PIK3C2G: variants seen among roughly 807,000 people sequenced by gnomAD.
The protein encoded by PIK3C2G is phosphatidylinositol-4-phosphate 3-kinase catalytic subunit type 2 gamma.
Under a neutral mutation model 181.1 loss-of-function variants are expected in PIK3C2G, and 168 were observed. That is an observed-to-expected ratio of 0.93 (90% CI 0.82 to 1.05). The LOEUF is 1.05. PIK3C2G is among the 50% of genes least tolerant of loss of function. The pLI, the probability that PIK3C2G is intolerant of heterozygous loss-of-function variation, is 0.00. For missense variants in PIK3C2G, 1,869 were observed against 1,732.8 expected, an observed-to-expected ratio of 1.08 and a Z score of -1.40; for synonymous variants, 573 against 592.2, an observed-to-expected ratio of 0.97 and a Z score of 0.47.
At chr12:18,572,360 G>GA (rs1945994216) in intron 29 of PIK3C2G, among the ~76,000 whole-genome samples, 1 of 146,774 alleles carries the variant, frequency 6.8e-6, no homozygotes, top group Admixed American at 6.8e-5. Flanking sequence ...TATATAAAGC[G>GA]ATATATATAA....
At chr12:18,556,504 T>G (rs1335489143) in intron 26 of PIK3C2G, among the ~76,000 whole-genome samples, 1 of 152,144 alleles carries the variant, frequency 6.6e-6, no homozygotes, top group African/African-American at 2.4e-5. Context: ...GAGATTTTTG[T>G]GAGGGTGAGT....
chr12:18,628,155 C>T (rs1393204721), intron 31 of PIK3C2G, among the ~76,000 whole-genome samples: 15 of 152,140 alleles, frequency 9.9e-5, no homozygotes, highest in Admixed American at 9.2e-4. Context: ...TAAACTGAAG[C>T]TGATAATCCT....
chr12:18,317,965 C>T (rs530874570), intron 6 of PIK3C2G, among the ~76,000 whole-genome samples: 245 of 152,244 alleles, frequency 1.6e-3, no homozygotes, highest in Admixed American at 3.0e-3. Flanking sequence ...TAGCTATTGA[C>T]GTCATAAAAT....
chr12:18,488,463 C>A lies in PIK3C2G; in HGVS notation c.2519C>A (p.Ala840Glu), dbSNP rs758922255. The A allele has an allele frequency of 6.6e-7, 1 of 1,509,444 alleles. No homozygotes were observed. The allele number at this position is 1,509,444 out of a possible 1,614,324, so 93.5% of individuals were successfully genotyped here. ...CTTTCCTTCAGGCTGCTAAAAAATGCAGAAAATGAAGCTTATTTTAAAAGC... is the reference window on the plus strand; with the variant it reads ...CTTTCCTTCAGGCTGCTAAAAAATGAAGAAAATGAAGCTTATTTTAAAAGC... ...AHRLYWLLKN[A>E]ENEAYFKSWY... The change falls in exon 19 of 33, where the codon GCA becomes GAA. Residue 840 changes from alanine (A) to glutamate (E), a missense_variant. By Grantham distance (107) the Ala-to-Glu change is moderately radical. Coordinates refer to ENST00000538779, the MANE Select transcript of PIK3C2G (RefSeq NM_001288772.2).
At chr12:18,320,330 T>TGTGTGC (rs1203147962) in intron 6 of PIK3C2G, among the ~76,000 whole-genome samples, 1 of 151,980 alleles carries the variant, frequency 6.6e-6, no homozygotes, top group East Asian at 1.9e-4. Flanking sequence ...TATGCGTGTG[T>TGTGTGC]GTGTGCGTGT....
chr12:18,375,036 A>T (rs143144005), intron 13 of PIK3C2G, among the ~76,000 whole-genome samples: 10 of 152,338 alleles, frequency 6.6e-5, no homozygotes, highest in Admixed American at 3.9e-4. Flanking sequence ...GCAATGCAAG[A>T]ATGGCCTAAC....
chr12:18,636,723 T>C (rs1332999336), intron 31 of PIK3C2G, among the ~76,000 whole-genome samples: 1 of 152,158 alleles, frequency 6.6e-6, no homozygotes, highest in Non-Finnish European at 1.5e-5. Flanking sequence ...TATGGCCAAA[T>C]AGGCAAATTG....
chr12:18,563,727 G>A (rs567897411), intron 28 of PIK3C2G, among the ~76,000 whole-genome samples: 50 of 152,234 alleles, frequency 3.3e-4, no homozygotes, highest in African/African-American at 1.1e-3. Context: ...CATTGATTTT[G>A]TAGACAGACA....
intron 18 of PIK3C2G, among the ~76,000 whole-genome samples, chr12:18,449,371 G>T (rs1159897313): frequency 2.0e-5 from 3 of 152,042 alleles, no homozygotes; most frequent in African/African-American, 7.2e-5. Context: ...TGCCATGGTA[G>T]TTTGCTGCAC....
At chr12:18,653,223 A>G (rs2136903739), downstream of PIK3C2G, among the ~76,000 whole-genome samples, 1 of 152,302 alleles carries the variant, frequency 6.6e-6, no homozygotes, top group African/African-American at 2.4e-5. Flanking sequence ...GTTGATTCCC[A>G]GAGGAAATGG....
chr12:18,408,606 TA>T (rs1443623436), intron 16 of PIK3C2G, among the ~76,000 whole-genome samples: 2 of 152,082 alleles, frequency 1.3e-5, no homozygotes, highest in Non-Finnish European at 2.9e-5. Flanking sequence ...AAGAAACTAT[TA>T]TCAGAGTGAA....
At chr12:18,362,612 G>A (rs575213938) in intron 11 of PIK3C2G, among the ~76,000 whole-genome samples, 152 bp from the exon 12 acceptor site, 1 of 152,274 alleles carries the variant, frequency 6.6e-6, no homozygotes, top group South Asian at 2.1e-4. Flanking sequence ...GACATACTCA[G>A]CCTAAATTCT....
chr12:18,619,414 G>T (rs551772902), intron 31 of PIK3C2G, among the ~76,000 whole-genome samples: 1 of 152,136 alleles, frequency 6.6e-6, no homozygotes, highest in Middle Eastern at 3.4e-3. Context: ...AACAAAAAAA[G>T]CTAAAGATTT....
At chr12:18,570,375 A>G (rs1207952569) in intron 29 of PIK3C2G, among the ~76,000 whole-genome samples, 3 of 149,742 alleles carry the variant, frequency 2.0e-5, no homozygotes, top group African/African-American at 7.5e-5. Flanking sequence ...CACCCAGCCT[A>G]TTTTTGTATT....
chr12:18,417,599 G>C (rs1259798891), intron 16 of PIK3C2G, among the ~76,000 whole-genome samples: 2 of 152,100 alleles, frequency 1.3e-5, no homozygotes, highest in African/African-American at 4.8e-5. Context: ...AAAAAGATTA[G>C]AACTTGCTGA....
intron 1 of PIK3C2G, among the ~76,000 whole-genome samples, chr12:18,272,981 A>T (rs1565539878): frequency 7.5e-6 from 1 of 133,010 alleles, no homozygotes; most frequent in Non-Finnish European, 1.7e-5. Context: ...GTTATAAGAA[A>T]TGACACTCAC....
At chr12:18,691,226 C>T in the PIK3C2G span, among the ~76,000 whole-genome samples, 8 of 151,972 alleles carry the variant, frequency 5.3e-5, no homozygotes, top group South Asian at 2.1e-4. Context: ...TTTTCTAGTC[C>T]GAGCAGAGTG....
At chr12:18,283,926 G>C (rs1302582166) in intron 2 of PIK3C2G, among the ~76,000 whole-genome samples, 4 of 152,242 alleles carry the variant, frequency 2.6e-5, no homozygotes, top group African/African-American at 9.6e-5. Context: ...CTGTGCCTGA[G>C]GGTAATTTCA....
At chr12:18,248,875 TC>T (rs1473452339) in intron 1 of PIK3C2G, among the ~76,000 whole-genome samples, 1 of 152,200 alleles carries the variant, frequency 6.6e-6, no homozygotes, top group African/African-American at 2.4e-5. Context: ...CTGTACTACT[TC>T]CAGGCATGAT....
Sources: gnomAD v4.1 joint callset for allele counts (sites outside exome capture counted in the v4.1 genomes callset) on GRCh38, gnomAD v4.1.1 for gene constraint, MANE v1.5 for transcripts, NCBI Gene and HGNC (gene_info 2026-07-23, HGNC 2026-07-21) for gene names.